DIS3: variants seen among roughly 807,000 people sequenced by gnomAD.
DIS3 encodes the protein exosome complex exonuclease RRP44.
In DIS3, 103 loss-of-function variants were observed where a neutral mutation model predicts 113.0. That is an observed-to-expected ratio of 0.91 (90% CI 0.78 to 1.07). The LOEUF is 1.07. DIS3 is among the 50% of genes least tolerant of loss of function. The probability of loss-of-function intolerance (pLI) is 0.00; values close to 1 mark genes in which losing one functional copy is unlikely to be tolerated. For missense variants in DIS3, 1,121 were observed against 1,167.1 expected (o/e 0.96, Z 0.58); for synonymous variants, 402 against 394.3 (o/e 1.02, Z -0.23).
chr13:72,772,046 G>A (rs1263025525), intron 10 of DIS3, 113 bp downstream of exon 10: 4 of 1,203,532 alleles, frequency 3.3e-6, no homozygotes, highest in Non-Finnish European at 4.7e-6. Flanking sequence ...ATAGCGTGCA[G>A]CTACAATTAT....
intron 9 of DIS3, 91 bp downstream of exon 9, chr13:72,772,602 G>A (rs1378975536): frequency 7.4e-7 from 1 of 1,347,062 alleles, no homozygotes; most frequent in Admixed American, 2.6e-5. Context: ...GGCCCGTGGT[G>A]TCTACATATT....
chr13:72,780,742 C>G, intron 2 of DIS3, 104 bp downstream of exon 2: 11 of 1,095,864 alleles, frequency 1.0e-5, no homozygotes, highest in Non-Finnish European at 1.5e-5. Context: ...GGTATGAAAT[C>G]TATCACTTAT....
intron 3 of DIS3, 115 bp downstream of exon 3, chr13:72,778,072 T>C (rs1246799727): frequency 1.1e-6 from 1 of 919,838 alleles, no homozygotes; most frequent in Non-Finnish European, 1.5e-6. Context: ...TCACATGAAG[T>C]TATATAGGAC....
chr13:72,756,864 A>G lies in DIS3; in HGVS notation c.*2931T>C, dbSNP rs918002675. ...TGAGTCCATTAAACCTCTTTCCTTT[A>G]TAATAATTACCCAGTTTGGGGTATT... On this transcript the variant is annotated 3_prime_UTR_variant, in exon 21 of 21. Coordinates refer to ENST00000377767, the MANE Select transcript of DIS3 (RefSeq NM_014953.5). 2.6e-5 allele frequency: 4 copies of G among 152,162 alleles called. No individual in the cohort carries two copies. The highest frequency in any genetic ancestry group is 6.5e-5 in the Admixed American group (1 of 15,276). 9.4% of individuals were successfully genotyped at this position (152,162 alleles called of 1,614,324 possible).
In DIS3 at chr13:72,758,626, C is replaced by T. The variant is rs533989904; in HGVS notation, c.*1169G>A. ...CTCAAGTCTATTTTCCTCCAACTGA[C>T]ACAAGTTTCTGCCTCAGTGTATGGA... is the stretch of plus-strand genomic sequence containing the variant. On this transcript the variant is annotated 3_prime_UTR_variant, in exon 21 of 21. Coordinates refer to ENST00000377767, the MANE Select transcript of DIS3 (RefSeq NM_014953.5). 7.3e-5 allele frequency: 16 copies of T among 220,366 alleles called. No individual in the cohort carries two copies. The highest frequency in any genetic ancestry group is 1.4e-4 in the Non-Finnish European group (15 of 109,894). 13.7% of individuals were successfully genotyped at this position (220,366 alleles called of 1,614,324 possible). A position where few individuals can be genotyped will look rare whatever the true frequency, so the allele number is the denominator to read the frequency against.
intron 15 of DIS3, among the ~76,000 whole-genome samples, chr13:72,764,954 G>A (rs2033710759): frequency 1.3e-5 from 2 of 151,922 alleles, no homozygotes; most frequent in Non-Finnish European, 1.5e-5. Context: ...TCTACTATAA[G>A]GGATTGTTAG....
At chr13:72,763,759 T>C (rs2033685879) in intron 15 of DIS3, 152 bp from the exon 16 acceptor site, 1 of 759,258 alleles carries the variant, frequency 1.3e-6, no homozygotes, top group East Asian at 2.9e-5. Context: ...GTATTTTAAA[T>C]AACTTATGAT....
intron 3 of DIS3, among the ~76,000 whole-genome samples, 195 bp downstream of exon 3, chr13:72,777,992 G>A (rs1329179223): frequency 3.3e-5 from 5 of 152,100 alleles, no homozygotes; most frequent in Non-Finnish European, 7.4e-5. Flanking sequence ...ATAGTGAGGG[G>A]AAAATTAACA....
In DIS3 at chr13:72,781,007, A is replaced by T; in HGVS notation, c.229-4T>A. ...CAGGGTCCTCAAGAACATCAATCTTAAAGAAAGATAAAGTTAATTTTTCCT... is the reference window on the plus strand; with the variant it reads ...CAGGGTCCTCAAGAACATCAATCTTTAAGAAAGATAAAGTTAATTTTTCCT... On this transcript the variant is annotated splice_polypyrimidine_tract_variant and splice_region_variant and intron_variant, in intron 1 of 20. Coordinates refer to ENST00000377767, the MANE Select transcript of DIS3 (RefSeq NM_014953.5). 6.3e-7 allele frequency: 1 copy of T among 1,589,226 alleles called. No individual in the cohort carries two copies. The highest frequency in any genetic ancestry group is 8.5e-7 in the Non-Finnish European group (1 of 1,171,966).
At chr13:72,761,052 A>T (rs187971073) in intron 19 of DIS3, among the ~76,000 whole-genome samples, 61 of 151,504 alleles carry the variant, frequency 4.0e-4, no homozygotes, top group African/African-American at 1.3e-3. Context: ...AAGTAAGTTT[A>T]AAAAAAAAGT....
At position 72,778,323 on chromosome 13, in the gene DIS3, C is replaced by T. The variant is rs774848523; in HGVS notation, c.444G>A (p.Ala148=). ...GENANDRNDR[A]IRVAAKWYNE... is the part of the protein sequence containing the mutation. ...TGTACCATTTTGCTGCTACTCGAAT[C>T]GCTCTATCATTCCTGTCATTAGCAT... Residue 148 remains alanine (A), a synonymous_variant, in exon 3 of 21, where the codon GCG becomes GCA. Coordinates refer to ENST00000377767, the MANE Select transcript of DIS3 (RefSeq NM_014953.5). The T allele has an allele frequency of 6.9e-6, 11 of 1,600,192 alleles. No individual in the cohort carries two copies. The highest frequency in any genetic ancestry group is 3.3e-4 in the Middle Eastern group (2 of 6,004).
At chr13:72,772,535 A>G (rs2033910305) in intron 9 of DIS3, among the ~76,000 whole-genome samples, 158 bp downstream of exon 9, 1 of 152,200 alleles carries the variant, frequency 6.6e-6, no homozygotes. Flanking sequence ...TGAAGAAGCA[A>G]ATGACTTCTT....
In DIS3 at chr13:72,757,967, A is replaced by G. The variant is rs1038299748; in HGVS notation, c.*1828T>C. ...AAGTATATAGTGTTTATAAAAGTCT[A>G]CAGTAGTGCACAGTAATATCATGGC... On this transcript the variant is annotated 3_prime_UTR_variant, in exon 21 of 21. Transcript: ENST00000377767. The G allele has an allele frequency of 1.0e-5, 2 of 198,558 alleles. No homozygotes were observed. The highest frequency in any genetic ancestry group is 2.1e-5 in the Non-Finnish European group (2 of 95,992). 12.3% of individuals were successfully genotyped at this position (198,558 alleles called of 1,614,324 possible).
chr13:72,764,515 G>A (rs2033702544), intron 15 of DIS3, among the ~76,000 whole-genome samples: 2 of 152,112 alleles, frequency 1.3e-5, no homozygotes, highest in African/African-American at 4.8e-5. Flanking sequence ...TGCTCAAGGT[G>A]AGAGTTACTA....
At position 72,781,761 on chromosome 13, in the gene DIS3, G is replaced by A. The variant is rs772488167; in HGVS notation, c.72C>T (p.Tyr24=). The A allele has an allele frequency of 1.2e-6, 2 of 1,603,136 alleles. No individual in the cohort carries two copies. The highest frequency in any genetic ancestry group is 1.7e-6 in the Non-Finnish European group (2 of 1,175,274). ...CACCGCAGCCGATGTCGTCTCGCAG[G>A]TAGTGCTCGCGCACGATCTTCATCA... ...GGVMKIVREH[Y]LRDDIGCGAP... is the part of the protein sequence containing the mutation. The change falls in exon 1 of 21, where the codon TAC becomes TAT. Residue 24 remains tyrosine (Y), a synonymous_variant. Coordinates refer to ENST00000377767, the MANE Select transcript of DIS3 (RefSeq NM_014953.5).
In DIS3 at chr13:72,755,633, A is replaced by C; in HGVS notation, c.*4162T>G. ...CATAAAAGCTTGAACATACAGATGA[A>C]TTATAACCTATGTGAAGAAATCTTA... On this transcript the variant is annotated 3_prime_UTR_variant, in exon 21 of 21. Coordinates refer to ENST00000377767, the MANE Select transcript of DIS3 (RefSeq NM_014953.5). 2 of 371,158 alleles carry C rather than the reference A, an allele frequency of 5.4e-6. No individual in the cohort carries two copies. Among genetic ancestry groups the C allele is most frequent in the Non-Finnish European group, 9.5e-6 (2 of 209,744 alleles). The allele number at this position is 371,158 out of a possible 1,614,324, so 23.0% of individuals were successfully genotyped here. A position where few individuals can be genotyped will look rare whatever the true frequency, so the allele number is the denominator to read the frequency against.
At position 72,770,894 on chromosome 13, in the gene DIS3, T is replaced by C; in HGVS notation, c.1755+10A>G. On this transcript the variant is annotated intron_variant, in intron 13 of 20. Transcript: ENST00000377767. ...TTTAAAAATTAGAGATTAATAGCCA[T>C]GAAACGAACCTTTGAATTAATAACA... is the stretch of plus-strand genomic sequence containing the variant. The C allele has an allele frequency of 6.4e-7, 1 of 1,574,278 alleles. No homozygotes were observed. Among genetic ancestry groups the C allele is most frequent in the Non-Finnish European group, 8.6e-7 (1 of 1,160,578 alleles).
At chr13:72,762,961 TCTTA>T (rs1485611405) in intron 16 of DIS3, among the ~76,000 whole-genome samples, 1 of 151,964 alleles carries the variant, frequency 6.6e-6, no homozygotes, top group Non-Finnish European at 1.5e-5. Flanking sequence ...GCTGCATAGA[TCTTA>T]GTCTAAACAT....
Position 72,757,964 on chromosome 13 carries a change from T to A in DIS3, c.*1831A>T, listed in dbSNP as rs2033532166. On this transcript the variant is annotated 3_prime_UTR_variant, in exon 21 of 21. Transcript: ENST00000377767. ...CCTAAGTATATAGTGTTTATAAAAG[T>A]CTACAGTAGTGCACAGTAATATCAT... is the stretch of plus-strand genomic sequence containing the variant. 1 of 199,680 alleles carries A rather than the reference T, an allele frequency of 5.0e-6. No individual in the cohort carries two copies. The highest frequency in any genetic ancestry group is 1.0e-5 in the Non-Finnish European group (1 of 96,674). 12.4% of individuals were successfully genotyped at this position (199,680 alleles called of 1,614,324 possible). A position where few individuals can be genotyped will look rare whatever the true frequency, so the allele number is the denominator to read the frequency against.
Sources: gnomAD v4.1 joint callset for allele counts (sites outside exome capture counted in the v4.1 genomes callset) on GRCh38, gnomAD v4.1.1 for gene constraint, MANE v1.5 for transcripts, NCBI Gene and HGNC (gene_info 2026-07-23, HGNC 2026-07-21) for gene names.